Variants in TMEM185A observed in about 807,000 individuals in gnomAD.
The protein encoded by TMEM185A is transmembrane protein 185A.
TMEM185A carries 9 observed loss-of-function variants against 25.0 expected under a neutral mutation model. The ratio of observed to expected loss-of-function variants is 0.36; its 90% CI spans 0.22 to 0.63. The LOEUF is 0.63. Ranked by LOEUF, TMEM185A falls within the 20% of genes least tolerant of loss-of-function variation. The pLI, the probability that TMEM185A is intolerant of heterozygous loss-of-function variation, is 0.68. For synonymous variants in TMEM185A, 45 were observed against 93.5 expected, an observed-to-expected ratio of 0.48 and a Z score of 2.99; for missense variants, 103 against 237.4, an observed-to-expected ratio of 0.43 and a Z score of 3.72.
At chrX:149,630,461 A>G in intron 1 of TMEM185A, among the ~76,000 whole-genome samples, 1 of 111,874 alleles carries the variant, frequency 8.9e-6, no homozygotes, top group South Asian at 3.7e-4. Context: ...CAGCATCTAA[A>G]GCACCTAACA....
intron 1 of TMEM185A, among the ~76,000 whole-genome samples, chrX:149,623,833 G>A (rs183583698): frequency 3.4e-4 from 38 of 112,227 alleles, no homozygotes; most frequent in African/African-American, 1.2e-3. Flanking sequence ...TTCAAAAGAT[G>A]TAATTCATAC....
chrX:149,617,202 C>T lies in TMEM185A; in HGVS notation c.39-5739G>A, dbSNP rs372043444. Among the ~76,000 whole-genome samples, 5 of 111,537 alleles carry T rather than the reference C, an allele frequency of 4.5e-5. No individual in the cohort carries two copies. In the South Asian group the frequency reaches 1.5e-3, roughly 33 times the overall value. Reference sequence around the variant, plus strand: ...ATGAAAAAAAAATACTTGCAACCTACGGTTAGGCAAACATTTCTTAGATGG... The same window carrying T: ...ATGAAAAAAAAATACTTGCAACCTATGGTTAGGCAAACATTTCTTAGATGG... On this transcript the variant is annotated intron_variant, in intron 1 of 6. Coordinates refer to ENST00000600449, the MANE Select transcript of TMEM185A (RefSeq NM_032508.4).
intron 1 of TMEM185A, among the ~76,000 whole-genome samples, chrX:149,629,795 C>T (rs655090): frequency 0.11 from 11,836 of 111,558 alleles, 1,524 homozygotes; most frequent in African/African-American, 0.36. Flanking sequence ...TTGGCAACTC[C>T]GTTAGCCTGT....
intron 4 of TMEM185A, chrX:149,603,753 C>G (rs1212637014): frequency 3.5e-6 from 1 of 284,108 alleles, no homozygotes. Context: ...GTTTATGATA[C>G]AACATTAAAA....
At chrX:149,630,498 G>T in intron 1 of TMEM185A, among the ~76,000 whole-genome samples, 1 of 111,732 alleles carries the variant, frequency 8.9e-6, no homozygotes, top group Non-Finnish European at 1.9e-5. Context: ...AATATTTACT[G>T]AGCACGTCTT....
At chrX:149,606,024 A>G (rs563442) in intron 3 of TMEM185A, among the ~76,000 whole-genome samples, 19,746 of 112,002 alleles carry the variant, frequency 0.18, 2,319 homozygotes, top group African/African-American at 0.43. Flanking sequence ...AAGTAATTAC[A>G]TCTAACTTAG....
intron 1 of TMEM185A, among the ~76,000 whole-genome samples, chrX:149,623,893 A>G (rs1034046415): frequency 8.9e-6 from 1 of 112,495 alleles, no homozygotes; most frequent in Admixed American, 9.4e-5. Context: ...ATATCAATAT[A>G]TTTGCAAGCA....
chrX:149,604,798 C>T (rs980942002), intron 3 of TMEM185A, among the ~76,000 whole-genome samples: 4 of 111,068 alleles, frequency 3.6e-5, no homozygotes, highest in Admixed American at 9.5e-5. Context: ...CACCGATAAC[C>T]GGGAGGCAGC....
intron 3 of TMEM185A, chrX:149,606,756 CAGG>C (rs1378279577): frequency 1.8e-5 from 2 of 112,775 alleles, no homozygotes; most frequent in Non-Finnish European, 1.9e-5. Context: ...TCTTGCATCA[CAGG>C]AGGAGGGAGC....
chrX:149,619,094 T>C, intron 1 of TMEM185A, among the ~76,000 whole-genome samples: 1 of 112,167 alleles, frequency 8.9e-6, no homozygotes, highest in Non-Finnish European at 1.9e-5. Context: ...AATGACCTTT[T>C]TGTACTCTGC....
At position 149,604,778 on chromosome X, in the gene TMEM185A, T is replaced by C. The variant is rs147733108; in HGVS notation, c.424-708A>G. Among the ~76,000 whole-genome samples the C allele has an allele frequency of 3.8e-3, 419 of 111,153 alleles. 5 individuals carry two copies. The highest frequency in any genetic ancestry group is 0.013 in the African/African-American group (406 of 30,500). Reference sequence around the variant, plus strand: ...CCCCATGACCACCAGAAGACAGCTTTCATCAAAGTCACCGATAACCGGGAG... The same window carrying C: ...CCCCATGACCACCAGAAGACAGCTTCCATCAAAGTCACCGATAACCGGGAG... On this transcript the variant is annotated intron_variant, in intron 3 of 6. Coordinates refer to ENST00000600449, the MANE Select transcript of TMEM185A (RefSeq NM_032508.4).
chrX:149,607,317 G>C (rs1342253917), intron 3 of TMEM185A, among the ~76,000 whole-genome samples: 1 of 112,160 alleles, frequency 8.9e-6, no homozygotes, highest in African/African-American at 3.2e-5. Flanking sequence ...GGCATCTACA[G>C]CCTCTAGTTC....
At position 149,621,557 on chromosome X, in the gene TMEM185A, T is replaced by C. The variant is rs1470522286; in HGVS notation, c.38+9986A>G. Among the ~76,000 whole-genome samples the C allele has an allele frequency of 1.1e-4, 12 of 111,998 alleles. No individual in the cohort carries two copies. In the Admixed American group the frequency reaches 1.1e-3, roughly 11 times the overall value. On this transcript the variant is annotated intron_variant, in intron 1 of 6. Transcript: ENST00000600449. ...CTGCCATTCAAAACTGCCACAAACC[T>C]AGTGGTTTAAAAAGCATAAACCTAG...
At chrX:149,603,133 C>G (rs1460796581) in intron 4 of TMEM185A, among the ~76,000 whole-genome samples, 2 of 111,642 alleles carry the variant, frequency 1.8e-5, no homozygotes, top group Non-Finnish European at 3.8e-5. Context: ...GGAATCTATA[C>G]TGTGTTCTCT....
chrX:149,623,722 A>G, intron 1 of TMEM185A, among the ~76,000 whole-genome samples: 2 of 112,067 alleles, frequency 1.8e-5, no homozygotes, highest in Middle Eastern at 4.6e-3. Context: ...GTAGAAATAT[A>G]GATATAAAAA....
chrX:149,604,509 C>G lies in TMEM185A; in HGVS notation c.424-439G>C, dbSNP rs948223499. Among the ~76,000 whole-genome samples the G allele has an allele frequency of 2.7e-5, 3 of 111,722 alleles. No homozygotes were observed. In the East Asian group the frequency reaches 8.4e-4, roughly 31 times the overall value. On this transcript the variant is annotated intron_variant, in intron 3 of 6. Transcript: ENST00000600449. The stretch of plus-strand genomic sequence containing the variant: ...AGGCTCCTTGAGGACCTTGTCACAT[C>G]AAGCCATCAACTGTAGATTCCGTAC...
chrX:149,607,229 C>T (rs1170841662), intron 3 of TMEM185A, among the ~76,000 whole-genome samples: 4 of 111,947 alleles, frequency 3.6e-5, no homozygotes, highest in Admixed American at 2.8e-4. Flanking sequence ...GCCTGACCCA[C>T]CCTACAGCTG....
At chrX:149,616,069 T>C (rs1422574967) in intron 1 of TMEM185A, among the ~76,000 whole-genome samples, 2 of 111,963 alleles carry the variant, frequency 1.8e-5, no homozygotes, top group African/African-American at 6.5e-5. Flanking sequence ...CCATGAGGGT[T>C]CCACCCTCAT....
At chrX:149,607,259 C>G (rs2090057391) in intron 3 of TMEM185A, among the ~76,000 whole-genome samples, 1 of 112,078 alleles carries the variant, frequency 8.9e-6, no homozygotes, top group South Asian at 3.7e-4. Context: ...CTTCCTAAGC[C>G]AACTGCAGTC....
Sources: allele counts gnomAD v4.1 joint callset (sites outside exome capture counted in the v4.1 genomes callset), GRCh38; gene constraint gnomAD v4.1.1; transcripts MANE v1.5; gene names NCBI Gene and HGNC (gene_info 2026-07-23, HGNC 2026-07-21).